The following UMAD1 variants were observed in gnomAD, a reference collection of about 807,000 sequenced individuals.
UMAD1 encodes UBAP1-MVB12-associated (UMA) domain containing 1, also known as UBAP1-MVB12-associated (UMA)-domain containing protein 1.
UMAD1 carries 8 observed loss-of-function variants against 6.1 expected under a neutral mutation model. The ratio of observed to expected loss-of-function variants is 1.30; its 90% CI spans 0.76 to 2.35. UMAD1 has a LOEUF of 2.35. UMAD1 is among the 30% of genes most tolerant of loss of function. The probability of loss-of-function intolerance (pLI) is 0.00; values close to 1 mark genes in which losing one functional copy is unlikely to be tolerated. For synonymous variants in UMAD1, 56 were observed against 31.4 expected (o/e 1.78, Z -2.61); for missense variants, 130 against 78.4 (o/e 1.66, Z -2.49).
chr7:7,862,178 G>A (rs1199192656), intron 3 of UMAD1, among the ~76,000 whole-genome samples: 7 of 151,888 alleles, frequency 4.6e-5, no homozygotes, highest in East Asian at 3.9e-4. Flanking sequence ...GCATTCAGTC[G>A]ATATCATATA....
At chr7:7,847,740 G>T (rs1783835229) in intron 3 of UMAD1, among the ~76,000 whole-genome samples, 1 of 151,990 alleles carries the variant, frequency 6.6e-6, no homozygotes, top group African/African-American at 2.4e-5. Flanking sequence ...AAATCTAAAT[G>T]AAGCCTTGCT....
rs1304572273 is a variant in UMAD1, at chr7:7,830,431, A to AT, written c.156+28694dup. Among the ~76,000 whole-genome samples, 3 of 151,682 alleles carry AT rather than the reference A, an allele frequency of 2.0e-5. No individual in the cohort carries two copies. The East Asian group carries it at 5.8e-4, about 29-fold the overall frequency. ...CTTGAAGCACGTTCATACTATATTGATTTTTTACCTCTATTAGGTAAAAAA... is the reference window on the plus strand; with the variant it reads ...CTTGAAGCACGTTCATACTATATTGATTTTTTTACCTCTATTAGGTAAAAAA... On this transcript the variant is annotated intron_variant, in intron 3 of 3. Transcript: ENST00000682710. The surrounding 1 kb of genome is among the most constrained non-coding windows in gnomAD (Gnocchi z 5.3).
At chr7:7,858,177 T>C (rs1205593931) in intron 3 of UMAD1, among the ~76,000 whole-genome samples, 2 of 152,218 alleles carry the variant, frequency 1.3e-5, no homozygotes, top group East Asian at 3.8e-4. Context: ...TGTGAACTGA[T>C]AACGGTGGTA....
At chr7:7,798,166 G>C (rs1167386710) in intron 2 of UMAD1, among the ~76,000 whole-genome samples, 1 of 152,146 alleles carries the variant, frequency 6.6e-6, no homozygotes, top group Non-Finnish European at 1.5e-5. Context: ...GTGAAGTTGT[G>C]ACAGAGACCT....
chr7:7,871,734 A>T (rs1014152810), intron 3 of UMAD1, among the ~76,000 whole-genome samples: 1 of 152,114 alleles, frequency 6.6e-6, no homozygotes, highest in African/African-American at 2.4e-5. Flanking sequence ...TGGCAGTTTT[A>T]TCAGGATAAC....
intron 2 of UMAD1, among the ~76,000 whole-genome samples, chr7:7,772,116 A>G (rs556027228): frequency 6.6e-6 from 1 of 152,316 alleles, no homozygotes; most frequent in Middle Eastern, 3.4e-3. Context: ...TTAACTGGGA[A>G]TATTTAGAAG....
chr7:7,673,271 G>A, intron 1 of UMAD1, 38 bp from the exon 2 acceptor site: 2 of 1,081,278 alleles, frequency 1.8e-6, no homozygotes, highest in Non-Finnish European at 2.7e-6. Context: ...TTTTACAGTT[G>A]CATCTGAATT....
chr7:7,802,925 G>GA (rs1354536267), intron 3 of UMAD1, among the ~76,000 whole-genome samples: 8 of 152,034 alleles, frequency 5.3e-5, no homozygotes, highest in Admixed American at 2.6e-4. Context: ...TGCAATCAAG[G>GA]AAAAATCATC....
At chr7:7,808,930 A>C (rs549001939) in intron 3 of UMAD1, among the ~76,000 whole-genome samples, 1 of 151,956 alleles carries the variant, frequency 6.6e-6, no homozygotes, top group South Asian at 2.1e-4. Context: ...GTATTGAGAT[A>C]CTCCTGTGGT....
At chr7:7,738,889 A>G (rs543352347) in intron 2 of UMAD1, 6 of 152,234 alleles carry the variant, frequency 3.9e-5, no homozygotes, top group Non-Finnish European at 8.8e-5. Context: ...CATTGGCTGT[A>G]GGGTGAGTGG....
At chr7:7,688,762 C>T (rs1288128148) in intron 2 of UMAD1, among the ~76,000 whole-genome samples, 1 of 152,090 alleles carries the variant, frequency 6.6e-6, no homozygotes, top group African/African-American at 2.4e-5. Flanking sequence ...ACATCTAACC[C>T]GCTGCGTATT....
At chr7:7,642,739 A>G (rs1195674266) in intron 1 of UMAD1, among the ~76,000 whole-genome samples, 1 of 152,226 alleles carries the variant, frequency 6.6e-6, no homozygotes, top group Non-Finnish European at 1.5e-5. Context: ...AGCTGAAGAA[A>G]TGGAACTTTA....
At chr7:7,831,344 C>A (rs889150243) in intron 3 of UMAD1, among the ~76,000 whole-genome samples, 1 of 152,170 alleles carries the variant, frequency 6.6e-6, no homozygotes, top group African/African-American at 2.4e-5. Context: ...CATATCAATT[C>A]TCTGTACTCT....
At chr7:7,724,600 C>T (rs1190518095) in intron 2 of UMAD1, among the ~76,000 whole-genome samples, 1 of 152,204 alleles carries the variant, frequency 6.6e-6, no homozygotes, top group African/African-American at 2.4e-5. Flanking sequence ...GTGATTCCCA[C>T]CACATCCCCA....
chr7:7,669,734 T>C (rs781573481), intron 1 of UMAD1, among the ~76,000 whole-genome samples: 55 of 152,200 alleles, frequency 3.6e-4, no homozygotes, highest in Admixed American at 5.9e-4. Flanking sequence ...GGTGGTCAGA[T>C]TGGTGGAGTG....
intron 1 of UMAD1, among the ~76,000 whole-genome samples, chr7:7,672,326 G>C (rs1341845850): frequency 1.3e-5 from 2 of 152,128 alleles, no homozygotes; most frequent in East Asian, 3.8e-4. Context: ...TATAACAATG[G>C]GAATAGTAGG....
At chr7:7,642,878 T>G (rs1341275426) in intron 1 of UMAD1, among the ~76,000 whole-genome samples, 2 of 152,236 alleles carry the variant, frequency 1.3e-5, no homozygotes, top group Non-Finnish European at 2.9e-5. Context: ...TTATCACACA[T>G]GCAGGCGTTG....
chr7:7,661,820 C>G (rs1313634808), intron 1 of UMAD1, among the ~76,000 whole-genome samples: 1 of 152,148 alleles, frequency 6.6e-6, no homozygotes, highest in Non-Finnish European at 1.5e-5. Flanking sequence ...TGACCCTTAG[C>G]AGAGTTTGAA....
chr7:7,649,963 C>T (rs1223815507), intron 1 of UMAD1, among the ~76,000 whole-genome samples: 1 of 152,218 alleles, frequency 6.6e-6, no homozygotes, highest in Admixed American at 6.5e-5. Flanking sequence ...TATACTGGAG[C>T]TTTGATCTTA....
Sources: gnomAD v4.1 joint callset for allele counts (sites outside exome capture counted in the v4.1 genomes callset) on GRCh38, gnomAD v4.1.1 for gene constraint, Gnocchi (gnomAD v3.1) non-coding constraint, MANE v1.5 for transcripts, NCBI Gene and HGNC (gene_info 2026-07-23, HGNC 2026-07-21) for gene names.